The following MAP4 variants were observed in gnomAD, a reference collection of about 807,000 sequenced individuals.
MAP4 encodes the protein microtubule-associated protein 4.
Under a neutral mutation model 170.2 loss-of-function variants are expected in MAP4, and 76 were observed. The ratio of observed to expected loss-of-function variants is 0.45; its 90% CI spans 0.37 to 0.54. The LOEUF is 0.54. MAP4 is among the 20% of genes least tolerant of loss of function. The probability of loss-of-function intolerance (pLI) is 0.00; values close to 1 mark genes in which losing one functional copy is unlikely to be tolerated. For missense variants in MAP4, 2,506 were observed against 2,748.0 expected, an observed-to-expected ratio of 0.91 and a Z score of 1.97; for synonymous variants, 909 against 994.5, an observed-to-expected ratio of 0.91 and a Z score of 1.62.
chr3:48,051,358 G>C (rs563499836), intron 1 of MAP4, among the ~76,000 whole-genome samples: 1 of 152,238 alleles, frequency 6.6e-6, no homozygotes, highest in African/African-American at 2.4e-5. Flanking sequence ...GCTGCAGTGA[G>C]ACAGAGCAAG....
At chr3:47,995,430 T>C (rs1040694153) in intron 2 of MAP4, among the ~76,000 whole-genome samples, 1 of 152,068 alleles carries the variant, frequency 6.6e-6, no homozygotes, top group African/African-American at 2.4e-5. Context: ...TTTGTATTTT[T>C]AGTAGAGGTA....
intron 1 of MAP4, among the ~76,000 whole-genome samples, chr3:48,061,144 C>T (rs954185492): frequency 1.3e-5 from 2 of 152,046 alleles, no homozygotes; most frequent in Admixed American, 1.3e-4. Context: ...CGCGCCTGGA[C>T]CCAAAGAGCT....
In MAP4 at chr3:47,909,561, A is replaced by C; in HGVS notation, c.4860T>G (p.Val1620=). 2 of 1,612,538 alleles carry C rather than the reference A, an allele frequency of 1.2e-6. No homozygotes were observed. The highest frequency in any genetic ancestry group is 8.5e-7 in the Non-Finnish European group (1 of 1,179,882). ...TGTCTTCCAGTAAGTCAGGAATCTG[A>C]ACTGCAACAGACCCTTCTTTAGTCT... ...EKETKEGSVA[V]QIPDLLEDKA... Residue 1620 remains valine, a synonymous_variant, in exon 9 of 21, where the codon GTT becomes GTG. Coordinates refer to ENST00000683076, the MANE Select transcript of MAP4 (RefSeq NM_001385682.1).
intron 1 of MAP4, among the ~76,000 whole-genome samples, chr3:48,001,278 C>T (rs996850079): frequency 1.3e-5 from 2 of 152,128 alleles, no homozygotes; most frequent in African/African-American, 4.8e-5. Flanking sequence ...ACATTCATTA[C>T]ATATTCTTTA....
chr3:47,867,431 T>C, intron 16 of MAP4, 93 bp from the exon 17 acceptor site: 3 of 802,048 alleles, frequency 3.7e-6, no homozygotes, highest in East Asian at 2.5e-5. Context: ...GTGATCACAA[T>C]GACCAACAAA....
rs2054617144 is a variant in MAP4, at chr3:47,855,734, C to T, written c.6584-374G>A. 6.6e-6 allele frequency among the ~76,000 whole-genome samples: 1 copy of T among 152,164 alleles called. No homozygotes were observed. The highest frequency in any genetic ancestry group is 2.1e-4 in the South Asian group (1 of 4,828). ...CTCCCGCTAACTGGGCCATGCAGTG[C>T]TTCTCAGGCACAGCCTCACTGAATT... On this transcript the variant is annotated intron_variant, in intron 18 of 20. Coordinates refer to ENST00000683076, the MANE Select transcript of MAP4 (RefSeq NM_001385682.1). This position sits in a 1 kb window ranked among gnomAD's most constrained non-coding sequence, Gnocchi z 5.1.
chr3:48,062,936 AAAAG>A (rs1490263057), intron 1 of MAP4, among the ~76,000 whole-genome samples: 11 of 151,876 alleles, frequency 7.2e-5, no homozygotes, highest in East Asian at 1.9e-4. Context: ...AAAAAAAAAA[AAAAG>A]AAAGAAAATG....
rs565423431 is a variant in MAP4 at position 48,002,252 on chromosome 3, A to G, written c.-19-3373T>C. Among the ~76,000 whole-genome samples, 6 of 149,680 alleles carry G rather than the reference A, an allele frequency of 4.0e-5. 1 individual carries two copies. Among genetic ancestry groups the G allele is most frequent in the South Asian group, 2.1e-4 (1 of 4,806 alleles). ...CAAGACTCTAGTCTCAAAAAGAAAA[A>G]AAAAAGAAAAAAAAAATCACACTCT... On this transcript the variant is annotated intron_variant, in intron 1 of 20. Transcript: ENST00000683076.
At chr3:47,898,478 C>A (rs1297248673) in intron 10 of MAP4, among the ~76,000 whole-genome samples, 2 of 149,960 alleles carry the variant, frequency 1.3e-5, no homozygotes, top group East Asian at 4.0e-4. Context: ...CTCCAGCCTG[C>A]CAACAGGGCG....
At chr3:48,049,166 C>T (rs2100126191) in intron 1 of MAP4, among the ~76,000 whole-genome samples, 1 of 152,220 alleles carries the variant, frequency 6.6e-6, no homozygotes, top group South Asian at 2.1e-4. Context: ...TTTTGCTTTA[C>T]ACTTGTTGAC....
intron 1 of MAP4, among the ~76,000 whole-genome samples, chr3:48,002,987 A>AATTAATT (rs1559772777): frequency 3.4e-5 from 5 of 149,248 alleles, no homozygotes; most frequent in African/African-American, 1.3e-4. Flanking sequence ...ATAAATAAAT[A>AATTAATT]AATAAATTTA....
At position 47,910,137 on chromosome 3, in the gene MAP4, T is replaced by C. The variant is rs1480340208; in HGVS notation, c.4284A>G (p.Lys1428=). The change falls in exon 9 of 21, where the codon AAA becomes AAG. Residue 1428 remains lysine (K), a synonymous_variant. Coordinates refer to ENST00000683076, the MANE Select transcript of MAP4 (RefSeq NM_001385682.1). ...CPRTPSELIN[K]SSPLEVLESA... is the part of the protein sequence containing the mutation. ...ATTCCAGAACCTCTAGAGGAGATGA[T>C]TTATTTATCAGCTCTGATGGTGTTC... is the stretch of plus-strand genomic sequence containing the variant. The C allele has an allele frequency of 3.7e-6, 6 of 1,613,880 alleles. No homozygotes were observed. Among genetic ancestry groups the C allele is most frequent in the Non-Finnish European group, 5.1e-6 (6 of 1,179,892 alleles).
At chr3:47,982,466 A>G (rs527984207) in intron 2 of MAP4, among the ~76,000 whole-genome samples, 5 of 152,350 alleles carry the variant, frequency 3.3e-5, no homozygotes, top group Admixed American at 3.3e-4. Context: ...GGAAACCAAA[A>G]TGCTATATAT....
chr3:48,014,109 G>A (rs1304463896), intron 1 of MAP4, among the ~76,000 whole-genome samples: 2 of 152,118 alleles, frequency 1.3e-5, no homozygotes, highest in African/African-American at 2.4e-5. Flanking sequence ...TATATGATGA[G>A]GCCACAGTAC....
At chr3:48,069,047 A>C (rs2100139757) in intron 1 of MAP4, among the ~76,000 whole-genome samples, 3 of 152,236 alleles carry the variant, frequency 2.0e-5, no homozygotes, top group Admixed American at 2.0e-4. Flanking sequence ...CACAGTAGAA[A>C]GAATGCTAGA....
intron 10 of MAP4, among the ~76,000 whole-genome samples, chr3:47,888,243 T>A (rs1256803003): frequency 1.3e-5 from 2 of 152,162 alleles, no homozygotes; most frequent in Admixed American, 6.5e-5. Flanking sequence ...TGGGCCCAGA[T>A]AAGAGAATAA....
chr3:47,891,590 A>AG (rs1189639493), intron 10 of MAP4: 1 of 1,535,294 alleles, frequency 6.5e-7, no homozygotes, highest in Admixed American at 2.0e-5. Context: ...ACATTCAGAC[A>AG]GGGCCCTGCG....
At chr3:47,990,161 G>A (rs1578893028) in intron 2 of MAP4, among the ~76,000 whole-genome samples, 1 of 152,178 alleles carries the variant, frequency 6.6e-6, no homozygotes, top group Non-Finnish European at 1.5e-5. Flanking sequence ...AATTAAGCTG[G>A]TTGCAATTTT....
At chr3:47,926,597 C>A (rs1030403754) in intron 4 of MAP4, among the ~76,000 whole-genome samples, 1 of 152,172 alleles carries the variant, frequency 6.6e-6, no homozygotes, top group East Asian at 1.9e-4. Context: ...TACAGAAGCA[C>A]GATCCTAGGT....
Sources: allele counts gnomAD v4.1 joint callset (sites outside exome capture counted in the v4.1 genomes callset), GRCh38; gene constraint gnomAD v4.1.1; non-coding constraint Gnocchi (gnomAD v3.1); transcripts MANE v1.5; gene names NCBI Gene and HGNC (gene_info 2026-07-23, HGNC 2026-07-21).